PDE1C: variants seen among roughly 807,000 people sequenced by gnomAD.
The protein encoded by PDE1C is dual specificity calcium/calmodulin-dependent 3',5'-cyclic nucleotide phosphodiesterase 1C.
In PDE1C, 62 loss-of-function variants were observed where a neutral mutation model predicts 93.1. The ratio of observed to expected loss-of-function variants is 0.67; its 90% CI spans 0.54 to 0.82. PDE1C has a LOEUF of 0.82. Among genes scored for constraint, PDE1C ranks in the 40% least tolerant of loss-of-function variants. PDE1C has a pLI of 0.00. For missense variants in PDE1C, 742 were observed against 884.6 expected, an observed-to-expected ratio of 0.84 and a Z score of 2.04; for synonymous variants, 325 against 310.1, an observed-to-expected ratio of 1.05 and a Z score of -0.50.
the PDE1C span, among the ~76,000 whole-genome samples, chr7:31,702,531 A>T: frequency 6.6e-6 from 1 of 152,132 alleles, no homozygotes; most frequent in African/African-American, 2.4e-5. Flanking sequence ...CTGCTATCAG[A>T]CCCCTTCAGG....
At chr7:31,774,940 G>GC (rs1265659525) in intron 17 of PDE1C, among the ~76,000 whole-genome samples, 5 of 151,844 alleles carry the variant, frequency 3.3e-5, no homozygotes, top group Admixed American at 1.3e-4. Flanking sequence ...ATCTTTCCTT[G>GC]CCCCAAACAG....
At chr7:32,105,463 T>G (rs555747384) in intron 3 of PDE1C, among the ~76,000 whole-genome samples, 1 of 152,160 alleles carries the variant, frequency 6.6e-6, no homozygotes, top group African/African-American at 2.4e-5. Flanking sequence ...CAGTGACCTA[T>G]TCCACCTAGA....
At chr7:32,105,191 T>G (rs1466185542) in intron 3 of PDE1C, among the ~76,000 whole-genome samples, 3 of 152,126 alleles carry the variant, frequency 2.0e-5, no homozygotes, top group South Asian at 2.1e-4. Flanking sequence ...ACCCCCTTTC[T>G]CTCCTAAATT....
chr7:31,909,782 T>C (rs1313127859), intron 2 of PDE1C, among the ~76,000 whole-genome samples: 1 of 152,190 alleles, frequency 6.6e-6, no homozygotes, highest in Non-Finnish European at 1.5e-5. Context: ...TAAGTACCTT[T>C]CCCAAGGTCA....
At chr7:31,636,680 T>C in the PDE1C span, among the ~76,000 whole-genome samples, 5 of 152,136 alleles carry the variant, frequency 3.3e-5, no homozygotes, top group Admixed American at 6.5e-5. Context: ...GAGGGAGAAC[T>C]AACAGGCTGT....
At chr7:31,743,643 C>A in the PDE1C span, among the ~76,000 whole-genome samples, 1 of 152,054 alleles carries the variant, frequency 6.6e-6, no homozygotes, top group Non-Finnish European at 1.5e-5. Flanking sequence ...GTAAGCATTT[C>A]ACTCAAATTT....
rs138688881 is a variant in PDE1C, at chr7:32,424,543, G to A, written c.310+3279C>T. ...CATGCCTATAATCCCAGTACTTTGG[G>A]AGGCTGAGGCGGGTGGATCACTTGA... On this transcript the variant is annotated intron_variant, in intron 1 of 1. Transcript: ENST00000672256. Among the ~76,000 whole-genome samples, 650 of 152,322 alleles carry A rather than the reference G, an allele frequency of 4.3e-3. 3 individuals are homozygous for A. The highest frequency in any genetic ancestry group is 7.9e-3 in the South Asian group (38 of 4,824).
intron 1 of PDE1C, among the ~76,000 whole-genome samples, chr7:32,232,605 A>G (rs891914235): frequency 6.6e-6 from 1 of 152,166 alleles, no homozygotes; most frequent in Non-Finnish European, 1.5e-5. Context: ...GACCCAAAAC[A>G]CATGAGGGAC....
At chr7:32,029,306 A>C (rs547664004) in intron 2 of PDE1C, among the ~76,000 whole-genome samples, 1 of 152,296 alleles carries the variant, frequency 6.6e-6, no homozygotes, top group Non-Finnish European at 1.5e-5. Context: ...AAAACTAAAA[A>C]TACAACTACC....
At chr7:32,222,828 T>A (rs1177678884) in intron 1 of PDE1C, among the ~76,000 whole-genome samples, 2 of 152,118 alleles carry the variant, frequency 1.3e-5, no homozygotes, top group African/African-American at 4.8e-5. Flanking sequence ...AATCTGCTCT[T>A]CCCCAGATTT....
At chr7:31,728,038 C>A in the PDE1C span, among the ~76,000 whole-genome samples, 1 of 152,224 alleles carries the variant, frequency 6.6e-6, no homozygotes, top group Non-Finnish European at 1.5e-5. Flanking sequence ...AGCAAGACTC[C>A]TTCTCAAAAT....
chr7:31,725,854 G>C, the PDE1C span, among the ~76,000 whole-genome samples: 4 of 152,066 alleles, frequency 2.6e-5, no homozygotes, highest in Non-Finnish European at 5.9e-5. Flanking sequence ...GTTCTTACTA[G>C]ATTTAGAGTT....
intron 17 of PDE1C, among the ~76,000 whole-genome samples, chr7:31,765,173 G>A (rs919504370): frequency 2.6e-5 from 4 of 152,130 alleles, no homozygotes; most frequent in African/African-American, 7.2e-5. Context: ...AGGTGAAAGG[G>A]GAGGAGCAAT....
chr7:31,843,934 C>T (rs1792225145), intron 9 of PDE1C, among the ~76,000 whole-genome samples: 1 of 151,696 alleles, frequency 6.6e-6, no homozygotes, highest in African/African-American at 2.4e-5. Flanking sequence ...TTACAACATA[C>T]ATCTTTAATT....
At chr7:32,332,272 T>C (rs1783530523) in intron 1 of PDE1C, among the ~76,000 whole-genome samples, 1 of 151,990 alleles carries the variant, frequency 6.6e-6, no homozygotes, top group Admixed American at 6.5e-5. Context: ...AATAAACATA[T>C]GAAAAGGGGC....
At chr7:31,977,543 C>A (rs1811825189) in intron 2 of PDE1C, among the ~76,000 whole-genome samples, 1 of 152,154 alleles carries the variant, frequency 6.6e-6, no homozygotes, top group African/African-American at 2.4e-5. Flanking sequence ...GTATCCCTCA[C>A]CTCCACCCCA....
At chr7:32,413,650 T>C (rs950410354) in intron 1 of PDE1C, among the ~76,000 whole-genome samples, 2 of 152,124 alleles carry the variant, frequency 1.3e-5, no homozygotes, top group Non-Finnish European at 2.9e-5. Context: ...GGATGGATGT[T>C]GGAGATGGTT....
At chr7:31,872,588 G>A (rs921913563) in intron 6 of PDE1C, among the ~76,000 whole-genome samples, 19 of 152,064 alleles carry the variant, frequency 1.2e-4, no homozygotes, top group Non-Finnish European at 2.6e-4. Context: ...CATCTCCGGA[G>A]AAATCAATAT....
At chr7:32,019,047 T>C (rs1788292527) in intron 2 of PDE1C, among the ~76,000 whole-genome samples, 1 of 150,316 alleles carries the variant, frequency 6.7e-6, no homozygotes, top group African/African-American at 2.5e-5. Flanking sequence ...TCAGTACCTA[T>C]GATAAACCAG....
Sources: allele counts gnomAD v4.1 joint callset (sites outside exome capture counted in the v4.1 genomes callset), GRCh38; gene constraint gnomAD v4.1.1; transcripts MANE v1.5; gene names NCBI Gene and HGNC (gene_info 2026-07-23, HGNC 2026-07-21).